The following NKD1 variants were observed in gnomAD, a reference collection of about 807,000 sequenced individuals.
NKD1 encodes the protein protein naked cuticle homolog 1.
A neutral mutation model predicts 56.0 loss-of-function variants in NKD1; 21 were observed. The observed-to-expected ratio is 0.38, with a 90% confidence interval of 0.27 to 0.54. The LOEUF (loss-of-function observed/expected upper bound fraction) is 0.54, where lower values mean the gene tolerates loss of function less well. NKD1 is among the 20% of genes least tolerant of loss of function. NKD1 has a pLI of 0.82. For missense variants in NKD1, 578 were observed against 642.7 expected (o/e 0.90, Z 1.09); for synonymous variants, 263 against 265.7 (o/e 0.99, Z 0.10).
intron 3 of NKD1, among the ~76,000 whole-genome samples, chr16:50,584,468 A>G (rs1011671805): frequency 1.3e-5 from 2 of 152,218 alleles, no homozygotes; most frequent in Non-Finnish European, 2.9e-5. Context: ...TTCCCAGCCC[A>G]TAGGTCCTAG....
chr16:50,558,997 G>T lies in NKD1; in HGVS notation c.192+9442G>T, dbSNP rs139601844. 3.2e-4 allele frequency among the ~76,000 whole-genome samples: 48 copies of T among 152,360 alleles called. 2 individuals are homozygous for T. The highest frequency in any genetic ancestry group is 1.1e-3 in the African/African-American group (46 of 41,588). ...AGACCAGCATGTGCCCATAGAAGGT[G>T]CCAGAGGTGTGCTTAGAACTTGCAG... is the stretch of plus-strand genomic sequence containing the variant. On this transcript the variant is annotated intron_variant, in intron 3 of 9. Transcript: ENST00000268459.
chr16:50,617,863 G>A (rs1961997836), intron 4 of NKD1, among the ~76,000 whole-genome samples: 2 of 152,244 alleles, frequency 1.3e-5, no homozygotes, highest in Non-Finnish European at 2.9e-5. Context: ...CCTGGTGGAA[G>A]TAGAGGGTGG....
intron 3 of NKD1, among the ~76,000 whole-genome samples, chr16:50,594,913 G>C (rs78378906): frequency 6.6e-6 from 1 of 152,194 alleles, no homozygotes; most frequent in African/African-American, 2.4e-5. Context: ...TGAGCACCTC[G>C]TGGGAGGCCT....
chr16:50,552,279 C>T (rs917320517), intron 3 of NKD1: 5 of 152,222 alleles, frequency 3.3e-5, no homozygotes, highest in South Asian at 2.1e-4. Context: ...GTTGACAGCC[C>T]GCTGGTGTGG....
rs558628679 is a variant in NKD1, at chr16:50,591,983, G to A, written c.193-16311G>A. Among the ~76,000 whole-genome samples, 85 of 152,338 alleles carry A rather than the reference G, an allele frequency of 5.6e-4. 1 individual carries two copies. The highest frequency in any genetic ancestry group is 2.0e-3 in the African/African-American group (84 of 41,580). The stretch of plus-strand genomic sequence containing the variant: ...TGTCTGCTTGTGTGTGGAACAACCT[G>A]GGCTGTGTGTGGGATGTGATGGCCT... On this transcript the variant is annotated intron_variant, in intron 3 of 9. Coordinates refer to ENST00000268459, the MANE Select transcript of NKD1 (RefSeq NM_033119.5).
At position 50,630,929 on chromosome 16, in the gene NKD1, C is replaced by T; in HGVS notation, c.695+19C>T. 2 of 1,556,626 alleles carry T rather than the reference C, an allele frequency of 1.3e-6. 1 individual carries two copies. Among genetic ancestry groups the T allele is most frequent in the South Asian group, 2.4e-5 (2 of 84,428 alleles). On this transcript the variant is annotated intron_variant, in intron 8 of 9. Coordinates refer to ENST00000268459, the MANE Select transcript of NKD1 (RefSeq NM_033119.5). ...CGCTCAGGTATGTGGGCATGGTGCA[C>T]ATGAGCATATGTTGAGCACCAGCTG...
intron 3 of NKD1, chr16:50,606,681 G>A (rs905068798): frequency 5.4e-5 from 23 of 429,906 alleles, no homozygotes; most frequent in Admixed American, 4.2e-4. Flanking sequence ...GTACTCAGAC[G>A]TCTCATTGAT....
intron 3 of NKD1, among the ~76,000 whole-genome samples, chr16:50,580,063 G>T (rs1279429673): frequency 6.6e-6 from 1 of 152,020 alleles, no homozygotes; most frequent in Non-Finnish European, 1.5e-5. Context: ...GGTCCCACCG[G>T]CTAGTCGCTA....
At chr16:50,629,300 C>T (rs991887160) in intron 6 of NKD1, among the ~76,000 whole-genome samples, 4 of 152,132 alleles carry the variant, frequency 2.6e-5, no homozygotes, top group Non-Finnish European at 4.4e-5. Context: ...ATCATGGTCC[C>T]GCCTTCATGA....
At chr16:50,589,683 C>CTTTCT (rs1211938153) in intron 3 of NKD1, among the ~76,000 whole-genome samples, 1 of 148,974 alleles carries the variant, frequency 6.7e-6, no homozygotes, top group African/African-American at 2.5e-5. Flanking sequence ...TTGCTGAATG[C>CTTTCT]TTTCTTTTCT....
intron 3 of NKD1, among the ~76,000 whole-genome samples, chr16:50,575,915 G>A (rs949856958): frequency 6.6e-6 from 1 of 152,142 alleles, no homozygotes; most frequent in Non-Finnish European, 1.5e-5. Flanking sequence ...TCTAGCAGGT[G>A]GAGGTCAGGG....
intron 3 of NKD1, chr16:50,607,311 G>A (rs531358380): frequency 1.4e-5 from 3 of 209,246 alleles, no homozygotes; most frequent in South Asian, 1.5e-4. Flanking sequence ...ATCAAGAAGA[G>A]GACTGGTTTT....
intron 5 of NKD1, among the ~76,000 whole-genome samples, chr16:50,624,014 A>G (rs1962154334): frequency 6.6e-6 from 1 of 151,898 alleles, no homozygotes; most frequent in Non-Finnish European, 1.5e-5. Context: ...CTGGAGGGAA[A>G]TGGCTTAGAG....
Position 50,633,315 on chromosome 16 carries a change from C to G in NKD1, c.947C>G (p.Ala316Gly). The G allele has an allele frequency of 6.2e-7, 1 of 1,614,176 alleles. No individual in the cohort carries two copies. The highest frequency in any genetic ancestry group is 8.5e-7 in the Non-Finnish European group (1 of 1,180,006). The change falls in exon 10 of 10, where the codon GCC (alanine) becomes GGC (glycine). Residue 316 changes from alanine to glycine, a missense_variant. By Grantham distance (60) the Ala-to-Gly change is moderately conservative. Transcript: ENST00000268459. This position sits in a 1 kb window ranked among gnomAD's most constrained non-coding sequence, Gnocchi z 4.9. ...CGAAAGCCCCAAGGCGTGGACCCGGCCTCCTTCCACTTCCTTGACACCCCA... is the reference window on the plus strand; with the variant it reads ...CGAAAGCCCCAAGGCGTGGACCCGGGCTCCTTCCACTTCCTTGACACCCCA... ...PHRKPQGVDPASFHFLDTPIA... is the reference protein window; with the variant it reads ...PHRKPQGVDPGSFHFLDTPIA...
intron 3 of NKD1, among the ~76,000 whole-genome samples, chr16:50,580,505 G>C (rs138270808): frequency 3.7e-4 from 56 of 152,368 alleles, no homozygotes; most frequent in African/African-American, 1.3e-3. Flanking sequence ...TCAAACCCTT[G>C]TCAAAGGGTT....
intron 3 of NKD1, among the ~76,000 whole-genome samples, chr16:50,567,014 CTT>C (rs946710565): frequency 1.3e-5 from 2 of 150,570 alleles, no homozygotes; most frequent in South Asian, 2.1e-4. Context: ...GGCCCCCCCC[CTT>C]TTTTTTTAAG....
In NKD1 at chr16:50,632,510, G is replaced by C; in HGVS notation, c.823+102G>C. On this transcript the variant is annotated intron_variant, in intron 9 of 9. Transcript: ENST00000268459. The surrounding 1 kb of genome is among the most constrained non-coding windows in gnomAD (Gnocchi z 4.1). ...GTGTTCACTGCTACCCCAGGCTTCG[G>C]TAAGACAACTATTATGGGACAGGTC... is the stretch of plus-strand genomic sequence containing the variant. 8.7e-7 allele frequency: 1 copy of C among 1,148,542 alleles called. No homozygotes were observed. The highest frequency in any genetic ancestry group is 1.3e-5 in the South Asian group (1 of 74,320). 71.1% of individuals were successfully genotyped at this position (1,148,542 alleles called of 1,614,324 possible). A position where few individuals can be genotyped will look rare whatever the true frequency, so the allele number is the denominator to read the frequency against.
At chr16:50,596,789 G>C (rs1404634075) in intron 3 of NKD1, among the ~76,000 whole-genome samples, 1 of 152,196 alleles carries the variant, frequency 6.6e-6, no homozygotes, top group Non-Finnish European at 1.5e-5. Context: ...TTTAAATAAA[G>C]AGATTTGGGA....
At chr16:50,548,775 C>G (rs1184949784) in intron 2 of NKD1, 26 bp downstream of exon 2, 1 of 1,383,622 alleles carries the variant, frequency 7.2e-7, no homozygotes, top group Non-Finnish European at 9.2e-7. Context: ...GCGCAGACCT[C>G]GGGGATGGAC....
Sources: gnomAD v4.1 joint callset for allele counts (sites outside exome capture counted in the v4.1 genomes callset) on GRCh38, gnomAD v4.1.1 for gene constraint, Gnocchi (gnomAD v3.1) non-coding constraint, MANE v1.5 for transcripts, NCBI Gene and HGNC (gene_info 2026-07-23, HGNC 2026-07-21) for gene names.